MACF1: variants seen among roughly 807,000 people sequenced by gnomAD.
MACF1 encodes the protein microtubule-actin cross-linking factor 1.
MACF1 carries 193 observed loss-of-function variants against 854.8 expected under a neutral mutation model. The ratio of observed to expected loss-of-function variants is 0.23; its 90% CI spans 0.20 to 0.25. The LOEUF (loss-of-function observed/expected upper bound fraction) is 0.25, where lower values mean the gene tolerates loss of function less well. MACF1 is among the 10% of genes least tolerant of loss of function. MACF1 has a pLI of 1.00. For synonymous variants in MACF1, 3,185 were observed against 3,226.7 expected (o/e 0.99, Z 0.44); for missense variants, 7,722 against 8,929.1 (o/e 0.86, Z 5.45).
intron 58 of MACF1, chr1:39,411,384 G>T: frequency 6.2e-7 from 1 of 1,614,028 alleles, no homozygotes; most frequent in Non-Finnish European, 8.5e-7. Context: ...CAGTGGTGGA[G>T]GATGGATCCG....
At chr1:39,427,073 TATA>T (rs1643752307) in intron 61 of MACF1, among the ~76,000 whole-genome samples, 1 of 152,224 alleles carries the variant, frequency 6.6e-6, no homozygotes, top group Non-Finnish European at 1.5e-5. Flanking sequence ...TCAGGTGATA[TATA>T]TACTACATTC....
intron 58 of MACF1, among the ~76,000 whole-genome samples, chr1:39,394,530 G>A (rs1173336394): frequency 2.0e-5 from 3 of 152,274 alleles, no homozygotes; most frequent in African/African-American, 7.2e-5. Flanking sequence ...GGCTGAGGCA[G>A]GAGAATGGCT....
chr1:39,357,982 T>C, intron 45 of MACF1, 89 bp downstream of exon 45: 1 of 1,320,168 alleles, frequency 7.6e-7, no homozygotes, highest in Non-Finnish European at 1.0e-6. Context: ...GAATAAGAAC[T>C]CCAGGACACA....
At position 39,131,997 on chromosome 1, in the gene MACF1, G is replaced by T. The variant is rs531433249; in HGVS notation, c.220+47559G>T. ...TTATTTTGCGGTTCCTTTACGTGGA[G>T]AACCTTTAGAAGTGTTCCATCTGAC... On this transcript the variant is annotated intron_variant, in intron 2 of 93. Coordinates refer to the MACF1 transcript ENST00000361689. Among the ~76,000 whole-genome samples, 20 of 152,262 alleles carry T rather than the reference G, an allele frequency of 1.3e-4. No homozygotes were observed. The South Asian group carries it at 4.1e-3, about 32-fold the overall frequency.
rs574626132 is a variant in MACF1, at chr1:39,335,942, T to C, written c.9354T>C (p.Asp3118=). The change falls in exon 37 of 101, where the codon GAT becomes GAC. Residue 3118 remains aspartate, a synonymous_variant. Coordinates refer to ENST00000564288, the MANE Select transcript of MACF1 (RefSeq NM_001394062.1). ...RPEGLHYQES[D]GKAQVTGPSQ... ...AAGGATTGCACTACCAGGAATCAGA[T>C]GGAAAAGCCCAAGTGACAGGCCCAT... 1.1e-5 allele frequency: 18 copies of C among 1,614,144 alleles called. No homozygotes were observed. The highest frequency in any genetic ancestry group is 2.7e-5 in the African/African-American group (2 of 75,028).
intron 58 of MACF1, among the ~76,000 whole-genome samples, chr1:39,405,620 A>G (rs1642666302): frequency 6.6e-6 from 1 of 152,264 alleles, no homozygotes; most frequent in Non-Finnish European, 1.5e-5. Flanking sequence ...GACTGCAGGA[A>G]GGAGCTGGAA....
chr1:39,241,352 G>C (rs115426426), intron 2 of MACF1, among the ~76,000 whole-genome samples: 2,489 of 152,182 alleles, frequency 0.016, 74 homozygotes, highest in African/African-American at 0.057. Context: ...TCTAGATCAA[G>C]TTTTCGGCAG....
At position 39,325,279 on chromosome 1, in the gene MACF1, A is replaced by T. The variant is rs561491046; in HGVS notation, c.4478+545A>T. Among the ~76,000 whole-genome samples, 4 of 152,360 alleles carry T rather than the reference A, an allele frequency of 2.6e-5. No individual in the cohort carries two copies. In the South Asian group the frequency reaches 8.3e-4, roughly 32 times the overall value. On this transcript the variant is annotated intron_variant, in intron 35 of 100. Coordinates refer to ENST00000564288, the MANE Select transcript of MACF1 (RefSeq NM_001394062.1). Reference sequence around the variant, plus strand: ...TAACTCAGAACCCAAGAAAGAACAGAGTTCCAAAAAGGAGAGAAGTTCAGA... The same window carrying T: ...TAACTCAGAACCCAAGAAAGAACAGTGTTCCAAAAAGGAGAGAAGTTCAGA...
intron 58 of MACF1, among the ~76,000 whole-genome samples, chr1:39,417,712 AATTTTTTTTTTT>A (rs1643371344): frequency 1.5e-5 from 1 of 68,488 alleles, no homozygotes; most frequent in African/African-American, 4.9e-5. Flanking sequence ...ACACCCAGTT[AATTTTTTTTTTT>A]TTTTTTTTTT....
intron 2 of MACF1, among the ~76,000 whole-genome samples, chr1:39,141,942 G>C (rs939797956): frequency 6.6e-6 from 1 of 152,214 alleles, no homozygotes; most frequent in Admixed American, 6.5e-5. Flanking sequence ...GAGGGAGATA[G>C]AGGAAGGTGC....
intron 63 of MACF1, among the ~76,000 whole-genome samples, 184 bp downstream of exon 63, chr1:39,428,471 CT>C (rs1036907261): frequency 5.3e-5 from 8 of 151,984 alleles, no homozygotes; most frequent in African/African-American, 1.9e-4. Flanking sequence ...CATGGAAATA[CT>C]TATATTTAAC....
At chr1:39,326,405 G>C (rs1005716929) in intron 35 of MACF1, among the ~76,000 whole-genome samples, 1 of 152,192 alleles carries the variant, frequency 6.6e-6, no homozygotes, top group Non-Finnish European at 1.5e-5. Context: ...AAGCGGCCAG[G>C]TGCGGTGGCT....
chr1:39,261,739 C>T (rs79583921), intron 6 of MACF1, among the ~76,000 whole-genome samples: 3,249 of 152,178 alleles, frequency 0.021, 46 homozygotes, highest in Non-Finnish European at 0.032. Context: ...TTCACTTTTT[C>T]ACTGTTATAA....
At chr1:39,349,688 A>G (rs934816545) in intron 42 of MACF1, 61 bp downstream of exon 42, 1 of 1,558,786 alleles carries the variant, frequency 6.4e-7, no homozygotes, top group Non-Finnish European at 8.7e-7. Context: ...GCTGGAGTAC[A>G]GTGGTGTTAT....
chr1:39,379,257 T>A lies in MACF1; in HGVS notation c.13331T>A (p.Leu4444Gln). ...MSDVNLKYEK[L>Q]GGVLHERQES... ...GATGTAAACTTGAAGTATGAGAAAC[T>A]AGGGGGAGTACTTCATGAACGCCAG... Residue 4444 changes from leucine to glutamine, a missense_variant, in exon 54 of 101, where the codon CTA (leucine) becomes CAA (glutamine). This residue lies in a region of MACF1 where 2,807 missense variants were observed against 3,235.8 expected (regional missense o/e 0.87). Transcript: ENST00000564288. The A allele has an allele frequency of 6.2e-7, 1 of 1,611,392 alleles. No homozygotes were observed. Among genetic ancestry groups the A allele is most frequent in the African/African-American group, 1.3e-5 (1 of 74,580 alleles).
rs191502232 is a variant in MACF1 at position 39,391,724 on chromosome 1, G to A, written c.15816+3066G>A. Among the ~76,000 whole-genome samples the A allele has an allele frequency of 3.4e-3, 513 of 152,330 alleles. 3 individuals are homozygous for A. Among genetic ancestry groups the A allele is most frequent in the Non-Finnish European group, 5.6e-3 (378 of 68,030 alleles). On this transcript the variant is annotated intron_variant, in intron 58 of 100. Coordinates refer to ENST00000564288, the MANE Select transcript of MACF1 (RefSeq NM_001394062.1). Reference sequence around the variant, plus strand: ...ATTCTGACTTTTGATGTTGCTGGAAGATTTCAAAAAATTACTGGGCATTAC... The same window carrying A: ...ATTCTGACTTTTGATGTTGCTGGAAAATTTCAAAAAATTACTGGGCATTAC...
At chr1:39,201,262 C>T (rs751035586), upstream of MACF1, among the ~76,000 whole-genome samples, 18 of 152,194 alleles carry the variant, frequency 1.2e-4, no homozygotes, top group Non-Finnish European at 2.6e-4. Flanking sequence ...ATTTTGTAGC[C>T]ACCAATTTTC....
At chr1:39,466,675 G>T (rs891697526) in intron 95 of MACF1, among the ~76,000 whole-genome samples, 2 of 152,156 alleles carry the variant, frequency 1.3e-5, no homozygotes, top group Non-Finnish European at 2.9e-5. Flanking sequence ...ATTTTCACTT[G>T]TGGGGCCCAG....
At chr1:39,396,849 C>G (rs973129257) in intron 58 of MACF1, among the ~76,000 whole-genome samples, 4 of 152,220 alleles carry the variant, frequency 2.6e-5, no homozygotes, top group African/African-American at 9.6e-5. Flanking sequence ...CTTCACAAGT[C>G]TCAGCTGTCC....
Sources: gnomAD v4.1 joint callset for allele counts (sites outside exome capture counted in the v4.1 genomes callset) on GRCh38, gnomAD v4.1.1 for gene constraint, gnomAD v4.1.1 regional missense constraint, MANE v1.5 for transcripts, NCBI Gene and HGNC (gene_info 2026-07-23, HGNC 2026-07-21) for gene names.